The following RNF114 variants were observed in gnomAD, a reference collection of about 807,000 sequenced individuals.
RNF114 encodes the protein E3 ubiquitin-protein ligase RNF114.
In RNF114, 6 loss-of-function variants were observed where a neutral mutation model predicts 28.4. The ratio of observed to expected loss-of-function variants is 0.21; its 90% CI spans 0.12 to 0.42. The LOEUF (loss-of-function observed/expected upper bound fraction) is 0.42. Ranked by LOEUF, RNF114 falls within the 10% of genes least tolerant of loss-of-function variation. The pLI is 1.00. For synonymous variants in RNF114, 115 were observed against 116.7 expected (o/e 0.99, Z 0.09); for missense variants, 249 against 311.7 (o/e 0.80, Z 1.51).
rs774715168 is a variant in RNF114, at chr20:49,952,135, C to T, written c.681C>T (p.Asp227=). The T allele has an allele frequency of 1.2e-6, 2 of 1,613,652 alleles. No homozygotes were observed. Among genetic ancestry groups the T allele is most frequent in the South Asian group, 2.2e-5 (2 of 91,066 alleles). Residue 227 remains aspartate (D), a synonymous_variant, in exon 6 of 6, where the codon GAC becomes GAT. Transcript: ENST00000244061. The part of the protein sequence containing the change: ...MNQVLQRSII[D]Q ...AGGTGTTGCAGCGCTCCATCATCGA[C>T]CAGTGAGCAGAGTCCGTGCTTGCTA...
rs192672972 is a variant in RNF114 at position 49,945,238 on chromosome 20, G to T, written c.292-144G>T. On this transcript the variant is annotated intron_variant, in intron 2 of 5. Transcript: ENST00000244061. ...GAAATCTGCAATAATCAGGGTTTCA[G>T]CCCCATCAGCGTAGTCAGGAGTTTG... 5.8e-4 allele frequency: 344 copies of T among 591,158 alleles called. 2 individuals carry two copies. The African/African-American group carries it at 6.1e-3, about 10-fold the overall frequency. 36.6% of individuals were successfully genotyped at this position (591,158 alleles called of 1,614,324 possible).
chr20:49,949,204 A>G (rs2090346378), intron 4 of RNF114, 44 bp from the exon 5 acceptor site: 2 of 1,533,234 alleles, frequency 1.3e-6, no homozygotes, highest in East Asian at 2.2e-5. Flanking sequence ...GGCTGGTGCA[A>G]GCTTGGAAAT....
chr20:49,951,021 A>G lies in RNF114; in HGVS notation c.622-1055A>G, dbSNP rs556592093. On this transcript the variant is annotated intron_variant, in intron 5 of 5. Coordinates refer to ENST00000244061, the MANE Select transcript of RNF114 (RefSeq NM_018683.4). ...GTTTATATTCTTTCCCTAGAGCTGG[A>G]TGGTTTCAAAGGGGCACACTGTTGT... Among the ~76,000 whole-genome samples the G allele has an allele frequency of 2.6e-5, 4 of 152,138 alleles. No homozygotes were observed. The South Asian group carries it at 8.3e-4, about 31-fold the overall frequency.
chr20:49,939,692 C>T (rs1056198), intron 1 of RNF114, among the ~76,000 whole-genome samples: 52,819 of 151,342 alleles, frequency 0.35, 10,872 homozygotes, highest in South Asian at 0.56. Context: ...CAGACCCTCA[C>T]AATCCTCTGC....
chr20:49,946,344 G>A, intron 4 of RNF114, 94 bp downstream of exon 4: 1 of 632,694 alleles, frequency 1.6e-6, no homozygotes. Context: ...ACTCCTGTGT[G>A]CCCTTCACCT....
chr20:49,948,344 C>T (rs932484167), intron 4 of RNF114, among the ~76,000 whole-genome samples: 1 of 152,110 alleles, frequency 6.6e-6, no homozygotes, highest in Non-Finnish European at 1.5e-5. Flanking sequence ...TTTCTGCACT[C>T]ACTGGTCTGG....
At chr20:49,949,468 A>T (rs769540202) in intron 5 of RNF114, 113 bp downstream of exon 5, 2 of 845,130 alleles carry the variant, frequency 2.4e-6, no homozygotes, top group Non-Finnish European at 4.0e-6. Flanking sequence ...CGCTGTTGTG[A>T]TGGGCTTCCA....
chr20:49,936,407 A>G lies in RNF114; in HGVS notation c.-6A>G. On this transcript the variant is annotated 5_prime_UTR_variant, in exon 1 of 6. Coordinates refer to ENST00000244061, the MANE Select transcript of RNF114 (RefSeq NM_018683.4). Reference sequence around the variant, plus strand: ...CCGCCGTTGCGCGGCGCAGAGCGGCAGCAAGATGGCGGCGCAACAGCGGGA... The same window carrying G: ...CCGCCGTTGCGCGGCGCAGAGCGGCGGCAAGATGGCGGCGCAACAGCGGGA... 6.7e-6 allele frequency: 10 copies of G among 1,502,158 alleles called. No individual in the cohort carries two copies. Among genetic ancestry groups the G allele is most frequent in the South Asian group, 1.3e-5 (1 of 79,210 alleles). 93.1% of individuals were successfully genotyped at this position (1,502,158 alleles called of 1,614,324 possible).
At chr20:49,940,262 C>T (rs767598432) in intron 1 of RNF114, among the ~76,000 whole-genome samples, 2 of 151,978 alleles carry the variant, frequency 1.3e-5, no homozygotes, top group Non-Finnish European at 2.9e-5. Context: ...GAATAGTCTT[C>T]CCTTCCTCTG....
chr20:49,941,519 T>A, intron 1 of RNF114, 42 bp from the exon 2 acceptor site: 1 of 1,530,984 alleles, frequency 6.5e-7, no homozygotes, highest in Non-Finnish European at 8.8e-7. Context: ...TCGTCTTGTC[T>A]CCATGATGCG....
chr20:49,936,577 C>CG (rs760967204), intron 1 of RNF114, 25 bp downstream of exon 1: 8 of 1,573,548 alleles, frequency 5.1e-6, no homozygotes, highest in Non-Finnish European at 3.4e-6. Flanking sequence ...CGGGCCTGGT[C>CG]GGGGGGCGCT....
chr20:49,936,499 T>G lies in RNF114; in HGVS notation c.87T>G (p.Cys29Trp). 6.4e-7 allele frequency: 1 copy of G among 1,574,658 alleles called. No individual in the cohort carries two copies. The highest frequency in any genetic ancestry group is 2.4e-5 in the East Asian group (1 of 42,042). ...CTGACCCCCTAGGACGCTTCACGTG[T>G]CCCGTGTGCTTAGAGGTGTACGAGA... is the stretch of plus-strand genomic sequence containing the variant. ...AEADPLGRFT[C>W]PVCLEVYEKP... The change falls in exon 1 of 6, where the codon TGT becomes TGG. Residue 29 changes from cysteine to tryptophan, a missense_variant. Cys to Trp is a radical substitution (Grantham distance 215). Coordinates refer to ENST00000244061, the MANE Select transcript of RNF114 (RefSeq NM_018683.4).
chr20:49,949,230 T>C lies in RNF114; in HGVS notation c.514-18T>C, dbSNP rs539990323. 3 of 1,611,652 alleles carry C rather than the reference T, an allele frequency of 1.9e-6. No homozygotes were observed. In the African/African-American group the frequency reaches 4.0e-5, roughly 21 times the overall value. Reference sequence around the variant, plus strand: ...GCTTGGAAATTGGGTGCCTAAGACCTTGCTTTTGTGTTGAAAGGTTTGTCC... The same window carrying C: ...GCTTGGAAATTGGGTGCCTAAGACCCTGCTTTTGTGTTGAAAGGTTTGTCC... On this transcript the variant is annotated intron_variant, in intron 4 of 5. Coordinates refer to ENST00000244061, the MANE Select transcript of RNF114 (RefSeq NM_018683.4).
chr20:49,951,361 A>G (rs2090354643), intron 5 of RNF114, among the ~76,000 whole-genome samples: 1 of 151,778 alleles, frequency 6.6e-6, no homozygotes, highest in Admixed American at 6.6e-5. Flanking sequence ...AAAGAGGGCT[A>G]GTTGCGCTAT....
At chr20:49,937,764 A>G (rs1600867358) in intron 1 of RNF114, among the ~76,000 whole-genome samples, 1 of 151,980 alleles carries the variant, frequency 6.6e-6, no homozygotes, top group Admixed American at 6.6e-5. Context: ...CCCCATCTAA[A>G]TTACTTCCCC....
intron 2 of RNF114, 92 bp downstream of exon 2, chr20:49,941,803 T>C (rs1222934766): frequency 5.7e-6 from 8 of 1,405,742 alleles, no homozygotes; most frequent in Non-Finnish European, 6.9e-6. Flanking sequence ...AGTTAGAGCA[T>C]GACTAGGTCA....
At chr20:49,947,916 C>G (rs1418618223) in intron 4 of RNF114, among the ~76,000 whole-genome samples, 1 of 150,658 alleles carries the variant, frequency 6.6e-6, no homozygotes, top group African/African-American at 2.4e-5. Context: ...CTCAGCCTCC[C>G]GTGTAGCTGG....
intron 3 of RNF114, 42 bp downstream of exon 3, chr20:49,945,530 C>T (rs1373930791): frequency 8.4e-7 from 1 of 1,193,544 alleles, no homozygotes; most frequent in Non-Finnish European, 1.2e-6. Flanking sequence ...TCATCTCTTG[C>T]TATTAATACA....
chr20:49,943,651 CTTTTTTTT>C (rs60425763), intron 2 of RNF114, among the ~76,000 whole-genome samples: 17 of 72,132 alleles, frequency 2.4e-4, no homozygotes, highest in African/African-American at 9.5e-4. Context: ...CTACTGTCTT[CTTTTTTTT>C]TTTTTTTTTT....
Sources: allele counts gnomAD v4.1 joint callset (sites outside exome capture counted in the v4.1 genomes callset), GRCh38; gene constraint gnomAD v4.1.1; transcripts MANE v1.5; gene names NCBI Gene and HGNC (gene_info 2026-07-23, HGNC 2026-07-21).